Variants in SLC7A14 observed in about 807,000 individuals in gnomAD.
SLC7A14 encodes the protein solute carrier family 7 member 14.
Under a neutral mutation model 60.2 loss-of-function variants are expected in SLC7A14, and 37 were observed. That is an observed-to-expected ratio of 0.61 (90% CI 0.47 to 0.81). SLC7A14 has a LOEUF of 0.81. Among genes scored for constraint, SLC7A14 ranks in the 30% least tolerant of loss-of-function variants. The pLI is 0.00. For synonymous variants in SLC7A14, 399 were observed against 395.8 expected, an observed-to-expected ratio of 1.01 and a Z score of -0.10; for missense variants, 886 against 982.7, an observed-to-expected ratio of 0.90 and a Z score of 1.32.
chr3:170,552,787 A>C (rs1714386122), intron 1 of SLC7A14, among the ~76,000 whole-genome samples: 1 of 152,250 alleles, frequency 6.6e-6, no homozygotes, highest in East Asian at 1.9e-4. Context: ...CATGGTTAAA[A>C]TAGGAAACTG....
At chr3:170,495,673 T>C in intron 4 of SLC7A14, 1 of 880,260 alleles carries the variant, frequency 1.1e-6, no homozygotes, top group South Asian at 1.3e-5. Context: ...CCTGTTAACC[T>C]GGAGGTAGAT....
chr3:170,472,620 AGCCG>A (rs1739948186), intron 7 of SLC7A14, among the ~76,000 whole-genome samples: 1 of 151,746 alleles, frequency 6.6e-6, no homozygotes, highest in Non-Finnish European at 1.5e-5. Context: ...CAAAAAAATT[AGCCG>A]GGCATGGCGG....
chr3:170,514,341 C>G (rs1390010817), intron 2 of SLC7A14, among the ~76,000 whole-genome samples: 1 of 152,202 alleles, frequency 6.6e-6, no homozygotes, highest in Non-Finnish European at 1.5e-5. Flanking sequence ...CATCAACATT[C>G]CTGTCTCAGG....
chr3:170,567,514 G>T (rs970202105), intron 1 of SLC7A14, among the ~76,000 whole-genome samples: 25 of 151,840 alleles, frequency 1.6e-4, no homozygotes, highest in African/African-American at 6.1e-4. Flanking sequence ...AGGCCTTTGG[G>T]TATATACCCA....
chr3:170,503,515 T>C (rs1281056999), intron 2 of SLC7A14, among the ~76,000 whole-genome samples: 2 of 152,178 alleles, frequency 1.3e-5, no homozygotes, highest in African/African-American at 4.8e-5. Context: ...AGGAAGGAAG[T>C]GAAGATGCAA....
At chr3:170,507,750 A>G (rs1265613543) in intron 2 of SLC7A14, among the ~76,000 whole-genome samples, 6 of 152,202 alleles carry the variant, frequency 3.9e-5, no homozygotes, top group East Asian at 1.9e-4. Flanking sequence ...TTAGTTGTAG[A>G]ACTCTATTTT....
At chr3:170,489,527 T>G (rs1452610012) in intron 4 of SLC7A14, among the ~76,000 whole-genome samples, 1 of 152,260 alleles carries the variant, frequency 6.6e-6, no homozygotes, top group Non-Finnish European at 1.5e-5. Context: ...GAGAAGAGTT[T>G]AGAGGTTTCT....
In SLC7A14 at chr3:170,480,491, G is replaced by A; in HGVS notation, c.1791C>T (p.Ala597=). The A allele has an allele frequency of 6.2e-7, 1 of 1,614,150 alleles. No individual in the cohort carries two copies. The highest frequency in any genetic ancestry group is 8.5e-7 in the Non-Finnish European group (1 of 1,180,026). The change falls in exon 7 of 8, where the codon GCC becomes GCT. Residue 597 remains alanine (A), a synonymous_variant. Coordinates refer to ENST00000231706, the MANE Select transcript of SLC7A14 (RefSeq NM_020949.3). ...SDYISEQSWW[A]ILLVVLMVLL... The stretch of plus-strand genomic sequence containing the variant: ...GCACCATCAGAACAACCAGAAGGAT[G>A]GCCCACCAGCTCTGCTCTGAGATGT...
intron 1 of SLC7A14, among the ~76,000 whole-genome samples, chr3:170,528,314 C>T (rs1265925180): frequency 6.6e-6 from 1 of 152,056 alleles, no homozygotes; most frequent in Non-Finnish European, 1.5e-5. Context: ...TTAGGAACTG[C>T]AAATATATGA....
intron 1 of SLC7A14, among the ~76,000 whole-genome samples, chr3:170,553,124 T>C (rs1339434509): frequency 6.6e-6 from 1 of 152,230 alleles, no homozygotes; most frequent in African/African-American, 2.4e-5. Context: ...TTTATCATTC[T>C]GAAACACAAG....
At chr3:170,471,101 G>GTGTGTT (rs1739891566) in intron 7 of SLC7A14, among the ~76,000 whole-genome samples, 1 of 151,800 alleles carries the variant, frequency 6.6e-6, no homozygotes, top group Non-Finnish European at 1.5e-5. Flanking sequence ...GTGTGTGTGT[G>GTGTGTT]TGTGTGTGTG....
intron 1 of SLC7A14, among the ~76,000 whole-genome samples, chr3:170,533,466 A>G (rs1713740105): frequency 6.6e-6 from 1 of 152,198 alleles, no homozygotes; most frequent in African/African-American, 2.4e-5. Context: ...TATATCTTGG[A>G]GTCTTATCTT....
chr3:170,470,308 A>ATGTGTG (rs60682275), intron 7 of SLC7A14, among the ~76,000 whole-genome samples: 3,758 of 143,662 alleles, frequency 0.026, 88 homozygotes, highest in South Asian at 0.051. Context: ...TGGAAGGAAC[A>ATGTGTG]TGTGTGTGTG....
intron 2 of SLC7A14, among the ~76,000 whole-genome samples, chr3:170,509,276 G>A (rs1712890111): frequency 6.6e-6 from 1 of 152,164 alleles, no homozygotes; most frequent in Non-Finnish European, 1.5e-5. Context: ...GCGCCAGGTG[G>A]ACAGTAACCA....
At chr3:170,544,070 TG>T (rs1480677937) in intron 1 of SLC7A14, among the ~76,000 whole-genome samples, 1 of 151,996 alleles carries the variant, frequency 6.6e-6, no homozygotes, top group East Asian at 1.9e-4. Context: ...TTTAGACATC[TG>T]AAGAGTATTT....
At chr3:170,537,088 A>G (rs781429783) in intron 1 of SLC7A14, among the ~76,000 whole-genome samples, 1 of 152,220 alleles carries the variant, frequency 6.6e-6, no homozygotes, top group Non-Finnish European at 1.5e-5. Flanking sequence ...TCCCTCTTGT[A>G]TTAGGTCCCT....
intron 1 of SLC7A14, among the ~76,000 whole-genome samples, chr3:170,556,800 C>A (rs1714495508): frequency 6.6e-6 from 1 of 152,128 alleles, no homozygotes; most frequent in African/African-American, 2.4e-5. Context: ...TTTTTGCCTA[C>A]CATAGACAGA....
intron 4 of SLC7A14, among the ~76,000 whole-genome samples, chr3:170,492,259 C>A (rs74353729): frequency 3.3e-5 from 5 of 152,048 alleles, no homozygotes; most frequent in Non-Finnish European, 7.4e-5. Flanking sequence ...TATGTGTGTT[C>A]GTGTGCAAGT....
chr3:170,525,811 T>C (rs1047049650), intron 2 of SLC7A14, among the ~76,000 whole-genome samples: 2 of 152,262 alleles, frequency 1.3e-5, no homozygotes, highest in African/African-American at 4.8e-5. Context: ...TCTCAGCACT[T>C]GCCGCGGCCG....
Sources: gnomAD v4.1 joint callset for allele counts (sites outside exome capture counted in the v4.1 genomes callset) on GRCh38, gnomAD v4.1.1 for gene constraint, MANE v1.5 for transcripts, NCBI Gene and HGNC (gene_info 2026-07-23, HGNC 2026-07-21) for gene names.